The following CCP110 variants were observed in gnomAD, a reference collection of about 807,000 sequenced individuals.
CCP110 encodes the protein centriolar coiled-coil protein 110.
In CCP110, 43 loss-of-function variants were observed where a neutral mutation model predicts 105.5. The ratio of observed to expected loss-of-function variants is 0.41; its 90% CI spans 0.32 to 0.53. The LOEUF (loss-of-function observed/expected upper bound fraction) is 0.53, where lower values mean the gene tolerates loss of function less well. Ranked by LOEUF, CCP110 falls within the 20% of genes least tolerant of loss-of-function variation. The pLI is 0.32. For missense variants in CCP110, 1,016 were observed against 1,189.1 expected (o/e 0.85, Z 2.14); for synonymous variants, 353 against 392.1 (o/e 0.90, Z 1.18).
intron 8 of CCP110, among the ~76,000 whole-genome samples, 200 bp from the exon 9 acceptor site, chr16:19,544,597 G>A (rs1970398980): frequency 6.6e-6 from 1 of 152,122 alleles, no homozygotes; most frequent in South Asian, 2.1e-4. Flanking sequence ...ATGTGCTTAG[G>A]TTATATGCAG....
chr16:19,546,555 G>T, intron 12 of CCP110, 81 bp downstream of exon 12: 1 of 777,198 alleles, frequency 1.3e-6, no homozygotes, highest in Non-Finnish European at 2.2e-6. Flanking sequence ...GGTGGCTCAC[G>T]CCTGTAATCC....
Position 19,548,572 on chromosome 16 carries a change from C to G in CCP110, c.2958C>G (p.Ser986Arg), listed in dbSNP as rs1489729810. ...AAAATAGACAGAAGCCTTCACAGAG[C>G]AGAGTGCCTAACAGAGTGCCTGTTT... The change falls in exon 14 of 15, where the codon AGC becomes AGG. Residue 986 changes from serine (S) to arginine (R), a missense_variant. Ser to Arg is a moderately radical substitution (Grantham distance 110). Transcript: ENST00000381396. The surrounding 1 kb of genome is among the most constrained non-coding windows in gnomAD (Gnocchi z 4.1). 1 of 1,549,296 alleles carries G rather than the reference C, an allele frequency of 6.5e-7. No homozygotes were observed. Among genetic ancestry groups the G allele is most frequent in the Non-Finnish European group, 8.7e-7 (1 of 1,146,140 alleles).
chr16:19,548,015 G>A lies in CCP110; in HGVS notation c.2900+1G>A. ...TTCATAGGCTACTTAGTAGACAAGG[G>A]TAAGAATGCCACACACGGGTATTGA... is the stretch of plus-strand genomic sequence containing the variant. On this transcript the variant is annotated splice_donor_variant, in intron 13 of 14. Coordinates refer to ENST00000381396, the Ensembl canonical transcript of CCP110. LOFTEE classifies it high-confidence loss of function. The surrounding 1 kb of genome is among the most constrained non-coding windows in gnomAD (Gnocchi z 4.1). The A allele has an allele frequency of 6.2e-7, 1 of 1,604,038 alleles. No individual in the cohort carries two copies. Among genetic ancestry groups the A allele is most frequent in the Non-Finnish European group, 8.5e-7 (1 of 1,171,040 alleles).
At chr16:19,550,861 A>G (rs1970614939) in intron 14 of CCP110, among the ~76,000 whole-genome samples, 1 of 152,210 alleles carries the variant, frequency 6.6e-6, no homozygotes. Context: ...GTGCTTGACT[A>G]GAGTTTATAT....
At chr16:19,540,337 A>C (rs1043350103) in intron 4 of CCP110, among the ~76,000 whole-genome samples, 1 of 152,216 alleles carries the variant, frequency 6.6e-6, no homozygotes, top group African/African-American at 2.4e-5. Flanking sequence ...TGATGGTAGG[A>C]TGCAGTTGAG....
chr16:19,532,641 A>G, intron 3 of CCP110, 97 bp downstream of exon 3: 1 of 963,500 alleles, frequency 1.0e-6, no homozygotes, highest in Non-Finnish European at 1.5e-6. Context: ...ACTAATTACT[A>G]ATGTACTTTA....
chr16:19,536,112 TG>T lies in CCP110; in HGVS notation c.445del (p.Asp149IlefsTer11). Reference sequence around the variant, plus strand: ...GATAAGATAGCTGGGATTTTGCCATTGGATAATGAGGACCAATGTAAAACTG... The same window carrying T: ...GATAAGATAGCTGGGATTTTGCCATTGATAATGAGGACCAATGTAAAACTG... On this transcript the variant is annotated frameshift_variant, in exon 4 of 15. Transcript: ENST00000381396. LOFTEE classifies it high-confidence loss of function. 1 of 1,614,086 alleles carries T rather than the reference TG, an allele frequency of 6.2e-7. No homozygotes were observed. Among genetic ancestry groups the T allele is most frequent in the Non-Finnish European group, 8.5e-7 (1 of 1,179,970 alleles).
intron 4 of CCP110, 44 bp downstream of exon 4, chr16:19,537,631 T>C: frequency 4.7e-6 from 5 of 1,063,268 alleles, no homozygotes; most frequent in Non-Finnish European, 6.8e-6. Context: ...TGCAGATACC[T>C]TTATTTTAAT....
chr16:19,534,872 CTTTTTTT>C (rs35522152), intron 3 of CCP110, among the ~76,000 whole-genome samples: 3 of 100,542 alleles, frequency 3.0e-5, no homozygotes, highest in African/African-American at 8.5e-5. Flanking sequence ...AATATTCAGA[CTTTTTTT>C]TTTTTTTTTT....
chr16:19,552,934 A>T (rs757432834), exon 15 of CCP110: 1 of 152,296 alleles, frequency 6.6e-6, no homozygotes, highest in African/African-American at 2.4e-5. Flanking sequence ...CAAGTTACCA[A>T]TTTTTTAAAA....
exon 2 of CCP110, chr16:19,527,903 T>G: frequency 1.2e-6 from 2 of 1,613,646 alleles, no homozygotes; most frequent in Non-Finnish European, 1.7e-6. Context: ...TGAGAAGTTC[T>G]GTGAAAAAAG....
chr16:19,540,762 A>G (rs1376359288), exon 5 of CCP110: 1 of 1,613,716 alleles, frequency 6.2e-7, no homozygotes, highest in Non-Finnish European at 8.5e-7. Flanking sequence ...GCTGAGCAGG[A>G]AAGGGAACAA....
chr16:19,547,753 A>C (rs1970510871), intron 12 of CCP110: 1 of 501,326 alleles, frequency 2.0e-6, no homozygotes, highest in Admixed American at 3.5e-5. Flanking sequence ...TAAAAACCTA[A>C]GGTTTGGACT....
intron 1 of CCP110, chr16:19,525,145 TA>T (rs1036568088): frequency 6.6e-6 from 1 of 150,896 alleles, no homozygotes; most frequent in African/African-American, 2.5e-5. Flanking sequence ...AAAGAAACAC[TA>T]GGTTCTGCAA....
At position 19,538,302 on chromosome 16, in the gene CCP110, C is replaced by CTTTTTTTTTTTTTTTTT. The variant is rs1164690143; in HGVS notation, c.1918+727_1918+743dup. ...ATATTAATAATTGGAGGAAACAGTT[C>CTTTTTTTTTTTTTTTTT]TTTTTTTTTTTTTTTTTTTTTTTTT... is the stretch of plus-strand genomic sequence containing the variant. On this transcript the variant is annotated intron_variant, in intron 4 of 14. Transcript: ENST00000381396. 5.6e-4 allele frequency among the ~76,000 whole-genome samples: 31 copies of CTTTTTTTTTTTTTTTTT among 55,244 alleles called. 7 individuals are homozygous for CTTTTTTTTTTTTTTTTT. The highest frequency in any genetic ancestry group is 2.2e-3 in the African/African-American group (24 of 11,086). The allele number at this position is 55,244 out of a possible 152,430, so 36.2% of individuals were successfully genotyped here. A position where few individuals can be genotyped will look rare whatever the true frequency, so the allele number is the denominator to read the frequency against.
exon 4 of CCP110, chr16:19,536,031 C>G: frequency 6.2e-7 from 1 of 1,613,698 alleles, no homozygotes. Flanking sequence ...AATGTTCCTG[C>G]TACATTTCCA....
chr16:19,536,815 A>G, exon 4 of CCP110: 6 of 1,614,184 alleles, frequency 3.7e-6, no homozygotes, highest in Non-Finnish European at 4.2e-6. Flanking sequence ...GTTCCAGGAC[A>G]TCATCAGCGT....
intron 8 of CCP110, among the ~76,000 whole-genome samples, chr16:19,544,442 A>G (rs571703423): frequency 9.5e-4 from 144 of 152,302 alleles, no homozygotes; most frequent in African/African-American, 3.2e-3. Context: ...TTCAGAAAAA[A>G]CAAATGATGG....
chr16:19,527,785 C>T, intron 1 of CCP110, 82 bp from the exon 2 acceptor site: 2 of 1,113,612 alleles, frequency 1.8e-6, no homozygotes, highest in Non-Finnish European at 2.5e-6. Context: ...TATAGGGACT[C>T]TCTCATGCTC....
Sources: gnomAD v4.1 joint callset for allele counts (sites outside exome capture counted in the v4.1 genomes callset) on GRCh38, gnomAD v4.1.1 for gene constraint, Gnocchi (gnomAD v3.1) non-coding constraint, MANE v1.5 for transcripts, NCBI Gene and HGNC (gene_info 2026-07-23, HGNC 2026-07-21) for gene names.